Variants in IL10RB observed in about 807,000 individuals in gnomAD.
The protein encoded by IL10RB is interleukin 10 receptor subunit beta, also known as interleukin-10 receptor subunit beta.
Under a neutral mutation model 38.7 loss-of-function variants are expected in IL10RB, and 30 were observed. That is an observed-to-expected ratio of 0.78 (90% confidence interval 0.58 to 1.05). The LOEUF (loss-of-function observed/expected upper bound fraction) is 1.05. Ranked by LOEUF, IL10RB falls within the 50% of genes least tolerant of loss-of-function variation. IL10RB has a pLI of 0.00. For missense variants in IL10RB, 328 were observed against 397.1 expected (o/e 0.83, Z 1.48); for synonymous variants, 142 against 145.9 (o/e 0.97, Z 0.19).
In IL10RB at chr21:33,288,252, C is replaced by T. The variant is rs373204116; in HGVS notation, c.795C>T (p.His265=). The T allele has an allele frequency of 6.2e-7, 1 of 1,613,620 alleles. No individual in the cohort carries two copies. The highest frequency in any genetic ancestry group is 1.1e-5 in the South Asian group (1 of 91,072). ...CCCCTAGGAATTCTCTTCCACAGCA[C>T]CTGAAAGAGGTAGGTAGGATGGAGT... ...AFSPRNSLPQ[H]LKEFLGHPHH... The change falls in exon 6 of 7, where the codon CAC becomes CAT. Residue 265 remains histidine, a synonymous_variant. Coordinates refer to ENST00000290200, the MANE Select transcript of IL10RB (RefSeq NM_000628.5).
At chr21:33,294,041 G>A (rs1046861948) in intron 6 of IL10RB, 7 of 471,016 alleles carry the variant, frequency 1.5e-5, no homozygotes, top group African/African-American at 6.0e-5. Context: ...AAGAACAGAC[G>A]GAATGAACGG....
chr21:33,266,392 CG>C lies in IL10RB; in HGVS notation c.-73del, dbSNP rs1555864414. ...ATCTCCGCTGGTTCCCGGAAGCCGC[CG>C]CGGACAAGCTCTCCCGGGCGCGGGC... On this transcript the variant is annotated 5_prime_UTR_variant, in exon 1 of 7. Transcript: ENST00000290200. The C allele has an allele frequency of 2.0e-5, 30 of 1,497,708 alleles. No homozygotes were observed. Among genetic ancestry groups the C allele is most frequent in the Non-Finnish European group, 3.6e-6 (4 of 1,115,848 alleles). 92.8% of individuals were successfully genotyped at this position (1,497,708 alleles called of 1,614,324 possible). A position where few individuals can be genotyped will look rare whatever the true frequency, so the allele number is the denominator to read the frequency against.
At chr21:33,298,510 A>G (rs1021374469), downstream of IL10RB, among the ~76,000 whole-genome samples, 2 of 152,162 alleles carry the variant, frequency 1.3e-5, no homozygotes, top group Admixed American at 1.3e-4. Context: ...GCTATTTGGG[A>G]AGCTGAGACA....
chr21:33,290,270 A>G (rs909302233), intron 6 of IL10RB, among the ~76,000 whole-genome samples: 2 of 152,136 alleles, frequency 1.3e-5, no homozygotes, highest in African/African-American at 4.8e-5. Context: ...CCTGAGCAAC[A>G]GAGCGAGACT....
intron 4 of IL10RB, 143 bp from the exon 5 acceptor site, chr21:33,282,951 T>C (rs1989306253): frequency 2.8e-6 from 2 of 712,804 alleles, no homozygotes; most frequent in South Asian, 3.1e-5. Flanking sequence ...GGCCTCAGGG[T>C]CCCTGAACTG....
downstream of IL10RB, among the ~76,000 whole-genome samples, chr21:33,300,712 G>A (rs960694009): frequency 1.9e-4 from 29 of 152,152 alleles, 1 homozygote; most frequent in Admixed American, 9.8e-4. Flanking sequence ...TAAAAGAGGA[G>A]CTGCCCATCT....
intron 3 of IL10RB, 56 bp from the exon 4 acceptor site, chr21:33,279,696 G>A (rs764060908): frequency 6.8e-7 from 1 of 1,474,842 alleles, no homozygotes; most frequent in African/African-American, 1.4e-5. Flanking sequence ...AAAAATTAAT[G>A]TTGAAGTTTT....
At chr21:33,304,946 C>G (rs928423618) in intron 1 of IL10RB, among the ~76,000 whole-genome samples, 8 of 151,988 alleles carry the variant, frequency 5.3e-5, no homozygotes, top group African/African-American at 1.9e-4. Context: ...ACTAAGGACA[C>G]AAAAAAAGCA....
At chr21:33,276,570 A>T in intron 2 of IL10RB, 26 bp from the exon 3 acceptor site, 1 of 1,605,898 alleles carries the variant, frequency 6.2e-7, no homozygotes, top group Non-Finnish European at 8.5e-7. Context: ...AACTCTCCTG[A>T]TTGACCTATC....
intron 6 of IL10RB, among the ~76,000 whole-genome samples, chr21:33,290,366 TCACTTATATAAC>T (rs1989461869): frequency 6.6e-6 from 1 of 152,184 alleles, no homozygotes; most frequent in African/African-American, 2.4e-5. Context: ...AATTATGTAG[TCACTTATATAAC>T]CACTTAAATA....
chr21:33,291,124 C>G (rs929736392), intron 6 of IL10RB, among the ~76,000 whole-genome samples: 2 of 152,140 alleles, frequency 1.3e-5, no homozygotes, highest in African/African-American at 4.8e-5. Flanking sequence ...GTCCACATTG[C>G]CCCTCCTTTA....
chr21:33,272,592 G>A (rs8178461), intron 2 of IL10RB, among the ~76,000 whole-genome samples: 3,312 of 152,254 alleles, frequency 0.022, 123 homozygotes, highest in African/African-American at 0.073. Context: ...GACTACAGGC[G>A]CATGCCACCA....
chr21:33,275,506 G>T (rs1477885474), intron 2 of IL10RB, among the ~76,000 whole-genome samples: 1 of 152,132 alleles, frequency 6.6e-6, no homozygotes, highest in Non-Finnish European at 1.5e-5. Context: ...CACAGAATTG[G>T]AGTGTTAGGG....
chr21:33,271,287 G>A (rs981435497), intron 2 of IL10RB, among the ~76,000 whole-genome samples: 3 of 152,156 alleles, frequency 2.0e-5, no homozygotes, highest in African/African-American at 7.2e-5. Context: ...TGCGTGCATT[G>A]GGGCAGGGCG....
chr21:33,279,942 A>G lies in IL10RB; in HGVS notation c.498+24A>G, dbSNP rs1300291968. On this transcript the variant is annotated intron_variant, in intron 4 of 6. Coordinates refer to ENST00000290200, the MANE Select transcript of IL10RB (RefSeq NM_000628.5). ...AGGTAAGGTTGGCTAATTGCATTTC[A>G]GAGGTAGTAGGCTTTCATATTCTTT... 4.4e-6 allele frequency: 7 copies of G among 1,604,256 alleles called. No individual in the cohort carries two copies. The African/African-American group carries it at 8.0e-5, about 18-fold the overall frequency.
chr21:33,268,618 C>T, intron 2 of IL10RB, 101 bp downstream of exon 2: 1 of 864,490 alleles, frequency 1.2e-6, no homozygotes, highest in South Asian at 1.3e-5. Context: ...ACTACGGTCA[C>T]CGTGTGACTG....
chr21:33,308,794 G>T (rs2083004857), intron 1 of IL10RB: 1 of 152,180 alleles, frequency 6.6e-6, no homozygotes. Flanking sequence ...GCCCCGCCTC[G>T]GGCCTACTGG....
rs1216043179 is a variant in IL10RB, at chr21:33,277,668, C to CTTT, written c.331+934_331+936dup. ...ATTTTCTTTTTTTCTTTCTTTCTTT[C>CTTT]TTTTTTTTTTTTTTTTTTTTTGAGA... On this transcript the variant is annotated intron_variant, in intron 3 of 6. Transcript: ENST00000290200. Among the ~76,000 whole-genome samples, 246 of 92,946 alleles carry CTTT rather than the reference C, an allele frequency of 2.6e-3. 1 individual carries two copies. Among genetic ancestry groups the CTTT allele is most frequent in the Non-Finnish European group, 3.0e-3 (145 of 48,530 alleles). The allele number at this position is 92,946 out of a possible 152,430, so 61.0% of individuals were successfully genotyped here.
At chr21:33,294,923 G>A (rs1215792349) in intron 6 of IL10RB, among the ~76,000 whole-genome samples, 3 of 152,214 alleles carry the variant, frequency 2.0e-5, no homozygotes, top group African/African-American at 7.2e-5. Context: ...TTATTAGACT[G>A]TGGTCCCTGC....
Sources: allele counts gnomAD v4.1 joint callset (sites outside exome capture counted in the v4.1 genomes callset), GRCh38; gene constraint gnomAD v4.1.1; transcripts MANE v1.5; gene names NCBI Gene and HGNC (gene_info 2026-07-23, HGNC 2026-07-21).